Variants in NMNAT1 observed in about 807,000 individuals in gnomAD.
The protein encoded by NMNAT1 is nicotinamide nucleotide adenylyltransferase 1.
A neutral mutation model predicts 16.7 loss-of-function variants in NMNAT1; 11 were observed. That is an observed-to-expected ratio of 0.66 (90% CI 0.41 to 1.09). The LOEUF is 1.09. Ranked by LOEUF, NMNAT1 falls within the 50% of genes least tolerant of loss-of-function variation. NMNAT1 has a pLI of 0.00. For synonymous variants in NMNAT1, 110 were observed against 119.8 expected (o/e 0.92, Z 0.53); for missense variants, 280 against 332.3 (o/e 0.84, Z 1.22).
At chr1:9,960,604 C>G (rs941297821) in intron 1 of NMNAT1, 1 of 152,064 alleles carries the variant, frequency 6.6e-6, no homozygotes, top group East Asian at 1.9e-4. Context: ...GCCACTGTAC[C>G]CAGCCCAAGA....
intron 1 of NMNAT1, among the ~76,000 whole-genome samples, chr1:9,951,640 A>G (rs1308146653): frequency 6.6e-6 from 1 of 151,892 alleles, no homozygotes; most frequent in African/African-American, 2.4e-5. Context: ...AGGTCCAGCT[A>G]ATTTTTGTAA....
intron 3 of NMNAT1, among the ~76,000 whole-genome samples, chr1:9,977,284 G>A (rs970926480): frequency 3.3e-5 from 5 of 151,640 alleles, no homozygotes; most frequent in Admixed American, 1.3e-4. Context: ...ATGGGGCCTC[G>A]CTATGTTGCC....
At chr1:9,948,854 G>T (rs1641039249) in intron 1 of NMNAT1, among the ~76,000 whole-genome samples, 2 of 151,210 alleles carry the variant, frequency 1.3e-5, no homozygotes, top group South Asian at 4.2e-4. Flanking sequence ...CACCATGTTG[G>T]CCAGGCTGGT....
intron 1 of NMNAT1, among the ~76,000 whole-genome samples, chr1:9,961,716 C>G (rs541826044): frequency 6.6e-6 from 1 of 152,268 alleles, no homozygotes; most frequent in African/African-American, 2.4e-5. Flanking sequence ...TCCCTAAGAA[C>G]AGTTAGCAGT....
At chr1:9,954,267 G>C (rs970072555) in intron 1 of NMNAT1, among the ~76,000 whole-genome samples, 7 of 151,988 alleles carry the variant, frequency 4.6e-5, no homozygotes, top group African/African-American at 1.4e-4. Flanking sequence ...CCAGGCTGGA[G>C]TGCAATGACA....
chr1:9,977,286 T>C (rs1030875071), intron 3 of NMNAT1, among the ~76,000 whole-genome samples: 10 of 151,988 alleles, frequency 6.6e-5, no homozygotes, highest in African/African-American at 2.2e-4. Flanking sequence ...GGGGCCTCGC[T>C]ATGTTGCCTA....
At chr1:9,956,748 T>C (rs1032408689) in intron 1 of NMNAT1, among the ~76,000 whole-genome samples, 1 of 149,702 alleles carries the variant, frequency 6.7e-6, no homozygotes, top group African/African-American at 2.5e-5. Context: ...TTTTTTTTTT[T>C]TGAGACAGAG....
chr1:9,979,575 C>G (rs1247574741), intron 3 of NMNAT1, among the ~76,000 whole-genome samples: 1 of 152,026 alleles, frequency 6.6e-6, no homozygotes. Flanking sequence ...CCTAGGCGGG[C>G]AGATCACAAG....
intron 1 of NMNAT1, among the ~76,000 whole-genome samples, chr1:9,946,904 G>A (rs1291673711): frequency 6.6e-6 from 1 of 152,026 alleles, no homozygotes; most frequent in Non-Finnish European, 1.5e-5. Context: ...CTTGATCTTG[G>A]GCTTCTAGTC....
the NMNAT1 span, among the ~76,000 whole-genome samples, chr1:9,996,593 C>CT: frequency 6.6e-6 from 1 of 152,112 alleles, no homozygotes; most frequent in Non-Finnish European, 1.5e-5. Flanking sequence ...AATTTCTTTT[C>CT]TTTTTTCCAA....
At chr1:9,988,492 G>A (rs1642073215), downstream of NMNAT1, among the ~76,000 whole-genome samples, 1 of 151,926 alleles carries the variant, frequency 6.6e-6, no homozygotes. Flanking sequence ...CCTAAGGTCA[G>A]GAGTTCGACA....
chr1:9,954,291 C>T (rs550855982), intron 1 of NMNAT1, among the ~76,000 whole-genome samples: 1 of 152,114 alleles, frequency 6.6e-6, no homozygotes, highest in Admixed American at 6.6e-5. Context: ...CTCACTGCAC[C>T]CTCCACCTCC....
intron 1 of NMNAT1, among the ~76,000 whole-genome samples, chr1:9,944,915 G>A (rs1640934813): frequency 6.6e-6 from 1 of 152,180 alleles, no homozygotes; most frequent in Non-Finnish European, 1.5e-5. Flanking sequence ...TACCTTGCAA[G>A]ACACTTCAGA....
At chr1:9,975,969 C>G (rs1641798579) in intron 3 of NMNAT1, among the ~76,000 whole-genome samples, 194 bp downstream of exon 3, 1 of 152,076 alleles carries the variant, frequency 6.6e-6, no homozygotes, top group Non-Finnish European at 1.5e-5. Flanking sequence ...CTTCCTTAGC[C>G]CCTCTGTGTC....
upstream of NMNAT1, chr1:9,943,323 A>G (rs1640864995): frequency 6.5e-6 from 1 of 153,530 alleles, no homozygotes; most frequent in Non-Finnish European, 1.5e-5. Context: ...CCAGTCCCAG[A>G]GTTTAGGGCC....
chr1:9,957,895 G>A (rs924573818), intron 1 of NMNAT1, among the ~76,000 whole-genome samples: 15 of 152,250 alleles, frequency 9.9e-5, no homozygotes, highest in African/African-American at 3.6e-4. Flanking sequence ...ATCAGGTCGG[G>A]CGTGCCTGTC....
intron 1 of NMNAT1, among the ~76,000 whole-genome samples, chr1:9,961,768 C>G (rs1057151488): frequency 2.0e-5 from 3 of 151,932 alleles, no homozygotes; most frequent in Admixed American, 2.0e-4. Flanking sequence ...CGAGAAGGCC[C>G]CAAGTATATA....
Position 9,982,529 on chromosome 1 carries a change from C to T in NMNAT1, c.668C>T (p.Ser223Phe). Reference protein sequence around the residue: ...VNEWIANDISSTKIRRALRRG... With the variant: ...VNEWIANDISFTKIRRALRRG... ...GAATGGATCGCTAATGACATCTCAT[C>T]CACAAAAATCCGGAGAGCCCTCAGA... The change falls in exon 5 of 5, where the codon TCC becomes TTC. Residue 223 changes from serine (S) to phenylalanine (F), a missense_variant. Physicochemically the swap from Ser to Phe is radical, Grantham distance 155. Coordinates refer to ENST00000377205, the MANE Select transcript of NMNAT1 (RefSeq NM_022787.4). 6.2e-7 allele frequency: 1 copy of T among 1,614,106 alleles called. No homozygotes were observed. Among genetic ancestry groups the T allele is most frequent in the East Asian group, 2.2e-5 (1 of 44,880 alleles).
At chr1:9,978,786 T>C (rs965819556) in intron 3 of NMNAT1, among the ~76,000 whole-genome samples, 2 of 152,150 alleles carry the variant, frequency 1.3e-5, no homozygotes, top group Non-Finnish European at 2.9e-5. Context: ...GTTATTTGGG[T>C]AACATTGCAC....
Sources: allele counts gnomAD v4.1 joint callset (sites outside exome capture counted in the v4.1 genomes callset), GRCh38; gene constraint gnomAD v4.1.1; transcripts MANE v1.5; gene names NCBI Gene and HGNC (gene_info 2026-07-23, HGNC 2026-07-21).